The following NLGN1 variants were observed in gnomAD, a reference collection of about 807,000 sequenced individuals.
NLGN1 encodes neuroligin 1, also known as neuroligin-1.
A neutral mutation model predicts 65.5 loss-of-function variants in NLGN1; 12 were observed. The observed-to-expected ratio is 0.18, with a 90% CI of 0.12 to 0.30. NLGN1 has a LOEUF of 0.30. NLGN1 is among the 10% of genes least tolerant of loss of function. The probability of loss-of-function intolerance (pLI) is 1.00; values close to 1 mark genes in which losing one functional copy is unlikely to be tolerated. For synonymous variants in NLGN1, 350 were observed against 359.5 expected, an observed-to-expected ratio of 0.97 and a Z score of 0.30; for missense variants, 750 against 1,007.1, an observed-to-expected ratio of 0.74 and a Z score of 3.46.
In NLGN1 at chr3:174,134,103, A is replaced by G. The variant is rs116457768; in HGVS notation, c.647-141212A>G. On this transcript the variant is annotated intron_variant, in intron 4 of 6. Transcript: ENST00000457714. The stretch of plus-strand genomic sequence containing the variant: ...AAGGTGAAGGAAAAAGACAAATTAT[A>G]TTTTATTGTACCCACAAAACGAAAA... Among the ~76,000 whole-genome samples, 226 of 152,226 alleles carry G rather than the reference A, an allele frequency of 1.5e-3. 2 individuals are homozygous for G. Among genetic ancestry groups the G allele is most frequent in the African/African-American group, 5.3e-3 (220 of 41,536 alleles).
At chr3:173,733,818 T>G (rs35006472) in intron 3 of NLGN1, among the ~76,000 whole-genome samples, 1 of 151,806 alleles carries the variant, frequency 6.6e-6, no homozygotes, top group African/African-American at 2.4e-5. Context: ...GAACACTGTT[T>G]GTGTAAAAAT....
In NLGN1 at chr3:174,064,514, C is replaced by G. The variant is rs1233640037; in HGVS notation, c.647-210801C>G. Among the ~76,000 whole-genome samples the G allele has an allele frequency of 4.0e-5, 6 of 151,438 alleles. No individual in the cohort carries two copies. The East Asian group carries it at 1.2e-3, about 29-fold the overall frequency. Reference sequence around the variant, plus strand: ...ATCTTGGACATATAACTTAACCTCTCTATGCCTTAGTTTCAAATGAATTTA... The same window carrying G: ...ATCTTGGACATATAACTTAACCTCTGTATGCCTTAGTTTCAAATGAATTTA... On this transcript the variant is annotated intron_variant, in intron 4 of 6. Coordinates refer to ENST00000457714, the Ensembl canonical transcript of NLGN1.
At chr3:174,126,511 ATATT>A (rs1367933185) in intron 4 of NLGN1, among the ~76,000 whole-genome samples, 1 of 152,142 alleles carries the variant, frequency 6.6e-6, no homozygotes, top group Non-Finnish European at 1.5e-5. Flanking sequence ...GTAAGATTAA[ATATT>A]TATGTAACTT....
chr3:173,963,777 G>C (rs1052446532), intron 4 of NLGN1, among the ~76,000 whole-genome samples: 1 of 152,142 alleles, frequency 6.6e-6, no homozygotes, highest in Admixed American at 6.5e-5. Flanking sequence ...GTGTCTAATT[G>C]GCTTGCCAAT....
intron 4 of NLGN1, among the ~76,000 whole-genome samples, chr3:174,257,217 C>G (rs1745955515): frequency 1.3e-5 from 2 of 152,132 alleles, no homozygotes; most frequent in Admixed American, 1.3e-4. Context: ...TACCATCTCA[C>G]ATCAGTCAGA....
chr3:174,032,644 T>TG (rs1442084788), intron 4 of NLGN1, among the ~76,000 whole-genome samples: 4 of 152,130 alleles, frequency 2.6e-5, no homozygotes, highest in African/African-American at 9.7e-5. Flanking sequence ...CACACTCTCA[T>TG]GGGCTTTACC....
chr3:173,599,906 T>A (rs1750147297), intron 2 of NLGN1, among the ~76,000 whole-genome samples: 1 of 152,120 alleles, frequency 6.6e-6, no homozygotes, highest in Non-Finnish European at 1.5e-5. Context: ...AACAAGGCAT[T>A]GCTCTGCCTT....
chr3:173,761,926 C>T (rs142114893), intron 3 of NLGN1, among the ~76,000 whole-genome samples: 20 of 151,996 alleles, frequency 1.3e-4, no homozygotes, highest in Non-Finnish European at 2.2e-4. Context: ...GGGAATGAAC[C>T]GACAGAATTC....
rs116869400 is a variant in NLGN1 at position 174,125,029 on chromosome 3, G to A, written c.647-150286G>A. ...AGCTGCAGAATATTGAGAGTGCATG[G>A]AGAATGGCATGAGATGGAGTTGGAG... is the stretch of plus-strand genomic sequence containing the variant. On this transcript the variant is annotated intron_variant, in intron 4 of 6. Coordinates refer to ENST00000457714, the Ensembl canonical transcript of NLGN1. Among the ~76,000 whole-genome samples, 965 of 152,096 alleles carry A rather than the reference G, an allele frequency of 6.3e-3. 26 individuals are homozygous for A. Among genetic ancestry groups the A allele is most frequent in the East Asian group, 0.039 (203 of 5,162 alleles).
chr3:173,562,567 A>C (rs1488253881), intron 2 of NLGN1, among the ~76,000 whole-genome samples: 1 of 152,144 alleles, frequency 6.6e-6, no homozygotes, highest in Non-Finnish European at 1.5e-5. Context: ...TTGTCTAAAA[A>C]AAAAAAAAGA....
chr3:173,709,738 G>A (rs1768625278), intron 3 of NLGN1, among the ~76,000 whole-genome samples: 1 of 148,282 alleles, frequency 6.7e-6, no homozygotes, highest in Non-Finnish European at 1.5e-5. Context: ...GGGAGGCGGA[G>A]GTTGCAGTGA....
chr3:173,967,356 T>G (rs1009075155), intron 4 of NLGN1, among the ~76,000 whole-genome samples: 2 of 152,156 alleles, frequency 1.3e-5, no homozygotes, highest in African/African-American at 2.4e-5. Context: ...GACTCTTGCT[T>G]GAACTGTAAT....
chr3:173,534,175 A>T (rs1349836497), intron 2 of NLGN1, among the ~76,000 whole-genome samples: 1 of 152,350 alleles, frequency 6.6e-6, no homozygotes, highest in Non-Finnish European at 1.5e-5. Context: ...TTAATTCCAC[A>T]GCTATTTTAA....
chr3:173,398,241 T>A (rs1464421875), upstream of NLGN1, among the ~76,000 whole-genome samples: 1 of 152,102 alleles, frequency 6.6e-6, no homozygotes, highest in Non-Finnish European at 1.5e-5. Context: ...CTCCGGCTAG[T>A]TCTGGGGTTG....
intron 1 of NLGN1, among the ~76,000 whole-genome samples, chr3:173,403,839 A>G (rs1718143005): frequency 1.3e-5 from 2 of 152,182 alleles, no homozygotes; most frequent in African/African-American, 4.8e-5. Context: ...TAATGAATAC[A>G]TGCACAAACA....
chr3:174,009,595 G>A (rs955763244), intron 4 of NLGN1, among the ~76,000 whole-genome samples: 23 of 152,242 alleles, frequency 1.5e-4, no homozygotes, highest in Non-Finnish European at 2.2e-4. Flanking sequence ...TGACTTCAAA[G>A]CTCACATTCT....
intron 4 of NLGN1, among the ~76,000 whole-genome samples, chr3:174,195,563 G>A (rs1733251307): frequency 6.6e-6 from 1 of 152,164 alleles, no homozygotes; most frequent in Non-Finnish European, 1.5e-5. Context: ...TTTGGACTTG[G>A]ACTTAGTGAG....
intron 4 of NLGN1, among the ~76,000 whole-genome samples, chr3:173,882,611 T>A (rs1733558573): frequency 6.6e-6 from 1 of 152,228 alleles, no homozygotes; most frequent in Non-Finnish European, 1.5e-5. Context: ...AGCTTCCAAC[T>A]TTTCTTTTGC....
rs1391419621 is a variant in NLGN1, at chr3:173,901,375, GT to G, written c.646+93544del. Among the ~76,000 whole-genome samples, 14 of 148,064 alleles carry G rather than the reference GT, an allele frequency of 9.5e-5. 1 individual carries two copies. Among genetic ancestry groups the G allele is most frequent in the Admixed American group, 7.7e-4 (11 of 14,366 alleles). On this transcript the variant is annotated intron_variant, in intron 4 of 6. Coordinates refer to ENST00000457714, the Ensembl canonical transcript of NLGN1. ...ACTAGTATTTTTTTTGGGGGGGTGT[GT>G]GTGTGTGTGTTTAAAAACAGTGGCT...
Sources: allele counts gnomAD v4.1 joint callset (sites outside exome capture counted in the v4.1 genomes callset), GRCh38; gene constraint gnomAD v4.1.1; transcripts MANE v1.5; gene names NCBI Gene and HGNC (gene_info 2026-07-23, HGNC 2026-07-21).